Variants in SEMA6A observed in about 807,000 individuals in gnomAD.
The protein encoded by SEMA6A is semaphorin-6A.
SEMA6A carries 25 observed loss-of-function variants against 96.8 expected under a neutral mutation model. That is an observed-to-expected ratio of 0.26 (90% CI 0.19 to 0.36). The LOEUF is 0.36. SEMA6A is among the 10% of genes least tolerant of loss of function. SEMA6A has a pLI of 1.00. For synonymous variants in SEMA6A, 612 were observed against 518.0 expected, an observed-to-expected ratio of 1.18 and a Z score of -2.46; for missense variants, 1,363 against 1,323.1, an observed-to-expected ratio of 1.03 and a Z score of -0.47.
At position 116,446,829 on chromosome 5, in the gene SEMA6A, C is replaced by G; in HGVS notation, c.2877G>C (p.Pro959=). 2 of 1,613,818 alleles carry G rather than the reference C, an allele frequency of 1.2e-6. No homozygotes were observed. The highest frequency in any genetic ancestry group is 1.7e-6 in the Non-Finnish European group (2 of 1,179,844). Residue 959 remains proline (P), a synonymous_variant, in exon 19 of 19, where the codon CCG becomes CCC. Coordinates refer to ENST00000343348, the MANE Select transcript of SEMA6A (RefSeq NM_020796.5). ...RNQSFGRGDN[P]PPAPQRVDSI... ...AGTCCACCCTCTGCGGGGCGGGCGG[C>G]GGGTTGTCTCCCCTGCCAAAGCTCT...
chr5:116,538,377 A>AT lies in SEMA6A; in HGVS notation c.-38-33396dup, dbSNP rs374259743. Among the ~76,000 whole-genome samples the AT allele has an allele frequency of 7.7e-3, 1,169 of 152,072 alleles. 14 individuals carry two copies. Among genetic ancestry groups the AT allele is most frequent in the African/African-American group, 0.025 (1,050 of 41,468 alleles). ...TTTATTGCTGAATATTTAATTTCAT[A>AT]TTTTTTTTATGAGCAGTGGGTGTCC... is the stretch of plus-strand genomic sequence containing the variant. On this transcript the variant is annotated intron_variant, in intron 1 of 18. Transcript: ENST00000343348.
chr5:116,558,316 G>A (rs1760684862), intron 1 of SEMA6A, among the ~76,000 whole-genome samples: 1 of 152,134 alleles, frequency 6.6e-6, no homozygotes, highest in Non-Finnish European at 1.5e-5. Flanking sequence ...TTTAAGTCTT[G>A]GGATACATGT....
At position 116,464,599 on chromosome 5, in the gene SEMA6A, C is replaced by T. The variant is rs184212930; in HGVS notation, c.1894+2984G>A. 2.2e-3 allele frequency among the ~76,000 whole-genome samples: 332 copies of T among 152,160 alleles called. 2 individuals carry two copies. The highest frequency in any genetic ancestry group is 7.5e-3 in the African/African-American group (310 of 41,490). On this transcript the variant is annotated intron_variant, in intron 18 of 18. Transcript: ENST00000343348. ...AAGGAAAGAGCCTTGGAACATTCCACAGAGGGGCAGAGGGTTTGGGTCTGT... is the reference window on the plus strand; with the variant it reads ...AAGGAAAGAGCCTTGGAACATTCCATAGAGGGGCAGAGGGTTTGGGTCTGT...
intron 18 of SEMA6A, among the ~76,000 whole-genome samples, chr5:116,451,809 C>CA (rs1754655025): frequency 2.6e-5 from 4 of 151,878 alleles, no homozygotes; most frequent in Admixed American, 2.6e-4. Flanking sequence ...ATCAGACAAA[C>CA]AAAAATAAAT....
At chr5:116,568,821 TACACACACAC>T (rs10531207) in intron 1 of SEMA6A, among the ~76,000 whole-genome samples, 12 of 150,750 alleles carry the variant, frequency 8.0e-5, no homozygotes, top group Admixed American at 2.0e-4. Flanking sequence ...TGGAAGATTG[TACACACACAC>T]ACACACACAC....
chr5:116,477,963 G>C (rs958319214), intron 14 of SEMA6A, 37 bp from the exon 15 acceptor site: 5 of 1,613,756 alleles, frequency 3.1e-6, no homozygotes, highest in African/African-American at 1.3e-5. Flanking sequence ...ACCTAGGACT[G>C]TTTCCTAGCC....
At chr5:116,549,457 A>G (rs1269986331) in intron 1 of SEMA6A, among the ~76,000 whole-genome samples, 2 of 152,164 alleles carry the variant, frequency 1.3e-5, no homozygotes, top group Non-Finnish European at 2.9e-5. Flanking sequence ...GCTGGTATGG[A>G]GGTAGCTCAA....
At chr5:116,547,554 T>A (rs1760233042) in intron 1 of SEMA6A, among the ~76,000 whole-genome samples, 1 of 148,676 alleles carries the variant, frequency 6.7e-6, no homozygotes, top group South Asian at 2.2e-4. Flanking sequence ...TCATTAATAT[T>A]CTCTAAGTAA....
chr5:116,502,165 G>A (rs1238956180), intron 3 of SEMA6A, 45 bp downstream of exon 3: 4 of 1,505,472 alleles, frequency 2.7e-6, no homozygotes, highest in East Asian at 4.5e-5. Flanking sequence ...AGGACCTTGG[G>A]CTTTTGGACA....
At chr5:116,473,746 C>G (rs1221819316) in intron 16 of SEMA6A, among the ~76,000 whole-genome samples, 1 of 152,140 alleles carries the variant, frequency 6.6e-6, no homozygotes, top group Non-Finnish European at 1.5e-5. Context: ...TAGAGAAATC[C>G]TCCCTGAATA....
chr5:116,477,727 G>A (rs184163014), intron 15 of SEMA6A, 119 bp downstream of exon 15: 78 of 961,696 alleles, frequency 8.1e-5, no homozygotes, highest in Middle Eastern at 6.6e-4. Flanking sequence ...TGACAGTCCC[G>A]TTGCTGGAGT....
intron 1 of SEMA6A, among the ~76,000 whole-genome samples, chr5:116,513,128 C>CTT (rs112348297): frequency 1.2e-4 from 18 of 147,026 alleles, no homozygotes; most frequent in Admixed American, 2.7e-4. Context: ...AGGCAGCTAT[C>CTT]TTTTTTTTTT....
chr5:116,563,863 A>T lies in SEMA6A; in HGVS notation c.-39+10322T>A, dbSNP rs1283886019. Among the ~76,000 whole-genome samples the T allele has an allele frequency of 2.0e-5, 3 of 152,232 alleles. No homozygotes were observed. In the South Asian group the frequency reaches 6.2e-4, roughly 31 times the overall value. On this transcript the variant is annotated intron_variant, in intron 1 of 18. Coordinates refer to ENST00000343348, the MANE Select transcript of SEMA6A (RefSeq NM_020796.5). ...TACCCTGCCAAATAATCAGGGGTCC[A>T]TAATACTGAATTTACAAATGCACAT...
Position 116,446,036 on chromosome 5 carries a change from A to G in SEMA6A, c.*577T>C, listed in dbSNP as rs1409166442. The G allele has an allele frequency of 1.3e-5, 2 of 152,682 alleles. No homozygotes were observed. The allele number at this position is 152,682 out of a possible 1,614,324, so 9.5% of individuals were successfully genotyped here. ...ACAGAAAGCTGTAACACTGGCGGGCATTTCACAGTATTTGCGCATAGTAAA... is the reference window on the plus strand; with the variant it reads ...ACAGAAAGCTGTAACACTGGCGGGCGTTTCACAGTATTTGCGCATAGTAAA... On this transcript the variant is annotated 3_prime_UTR_variant, in exon 19 of 19. Transcript: ENST00000343348.
intron 18 of SEMA6A, among the ~76,000 whole-genome samples, chr5:116,458,033 G>A (rs190598459): frequency 1.2e-4 from 18 of 151,934 alleles, no homozygotes; most frequent in Admixed American, 1.1e-3. Context: ...CCACTGTTTT[G>A]CCCTCTGTGG....
rs1754345034 is a variant in SEMA6A, at chr5:116,447,809, C to G, written c.1897G>C (p.Val633Leu). The change falls in exon 19 of 19, where the codon GTG becomes CTG. Residue 633 changes from valine to leucine, a missense_variant and splice_region_variant. By Grantham distance (32) the Val-to-Leu change is conservative (BLOSUM62 1). Around this residue, in one of 2 missense-constraint regions of SEMA6A, gnomAD observed 883 missense variants for 763.6 expected, o/e 1.16. Coordinates refer to ENST00000343348, the MANE Select transcript of SEMA6A (RefSeq NM_020796.5). ...SSHNHQDKKG[V>L]IRESYLKGHD... ...CCTTTGAGGTAACTTTCCCGAATCA[C>G]TCCTGCAATAGACATCGCATATGGC... is the stretch of plus-strand genomic sequence containing the variant. 12 of 1,592,282 alleles carry G rather than the reference C, an allele frequency of 7.5e-6. 1 individual carries two copies. In the Middle Eastern group the frequency reaches 1.3e-3, roughly 178 times the overall value.
chr5:116,540,240 A>AT (rs1197058504), intron 1 of SEMA6A, among the ~76,000 whole-genome samples: 1 of 152,236 alleles, frequency 6.6e-6, no homozygotes, highest in Non-Finnish European at 1.5e-5. Flanking sequence ...ATGCATTATC[A>AT]TGCCTTTGAT....
At chr5:116,561,169 C>T (rs1760804975) in intron 1 of SEMA6A, among the ~76,000 whole-genome samples, 1 of 152,070 alleles carries the variant, frequency 6.6e-6, no homozygotes, top group Non-Finnish European at 1.5e-5. Context: ...ACCTATCCTG[C>T]CTAACCTAGA....
chr5:116,487,066 G>C (rs1363100602), intron 9 of SEMA6A, 100 bp from the exon 10 acceptor site: 2 of 777,516 alleles, frequency 2.6e-6, no homozygotes, highest in East Asian at 2.5e-5. Flanking sequence ...AAACAACAAG[G>C]TGCTTAATAC....
Sources: allele counts gnomAD v4.1 joint callset (sites outside exome capture counted in the v4.1 genomes callset), GRCh38; gene constraint gnomAD v4.1.1; regional missense constraint gnomAD v4.1.1; transcripts MANE v1.5; gene names NCBI Gene and HGNC (gene_info 2026-07-23, HGNC 2026-07-21).